DFFA: variants seen among roughly 807,000 people sequenced by gnomAD.
DFFA encodes DFF45.
DFFA carries 14 observed loss-of-function variants against 28.0 expected under a neutral mutation model. That is an observed-to-expected ratio of 0.50 (90% confidence interval 0.33 to 0.78). The LOEUF (loss-of-function observed/expected upper bound fraction) is 0.78. DFFA is among the 30% of genes least tolerant of loss of function. The pLI, the probability that DFFA is intolerant of heterozygous loss-of-function variation, is 0.02. For synonymous variants in DFFA, 158 were observed against 170.3 expected (o/e 0.93, Z 0.56); for missense variants, 395 against 407.1 (o/e 0.97, Z 0.26).
chr1:10,471,248 A>G (rs1641095249), intron 1 of DFFA, among the ~76,000 whole-genome samples: 1 of 151,976 alleles, frequency 6.6e-6, no homozygotes, highest in Admixed American at 6.6e-5. Context: ...AGTGATAGCA[A>G]TGCTTCAAAT....
At chr1:10,467,134 G>C (rs1336676129) in intron 3 of DFFA, 56 bp downstream of exon 3, 1 of 1,603,720 alleles carries the variant, frequency 6.2e-7, no homozygotes, top group African/African-American at 1.3e-5. Context: ...AGAAGGTGCT[G>C]GGGCGGGGGG....
chr1:10,466,828 C>T (rs961645269), intron 3 of DFFA, among the ~76,000 whole-genome samples: 1 of 151,684 alleles, frequency 6.6e-6, no homozygotes, highest in East Asian at 1.9e-4. Context: ...TGGTGTGCAC[C>T]TGTAATTCCA....
chr1:10,469,296 G>GTGAC lies in DFFA; in HGVS notation c.175_178dup (p.Thr60SerfsTer14). 1 of 1,614,160 alleles carries GTGAC rather than the reference G, an allele frequency of 6.2e-7. No homozygotes were observed. Among genetic ancestry groups the GTGAC allele is most frequent in the Non-Finnish European group, 8.5e-7 (1 of 1,179,990 alleles). On this transcript the variant is annotated frameshift_variant, in exon 2 of 6. Transcript: ENST00000377038. LOFTEE classifies it high-confidence loss of function. ...GGTGCCATCCTCTGCCAGGACCAGG[G>GTGAC]TGACTGGTGTCAGGGACTTATCAAT...
At chr1:10,467,399 C>A in intron 2 of DFFA, 67 bp from the exon 3 acceptor site, 1 of 1,542,852 alleles carries the variant, frequency 6.5e-7, no homozygotes, top group South Asian at 1.1e-5. Context: ...CCTCCCCCAG[C>A]ACACACAGAC....
intron 5 of DFFA, chr1:10,462,697 T>G: frequency 9.5e-7 from 1 of 1,053,090 alleles, no homozygotes; most frequent in Non-Finnish European, 1.1e-6. Flanking sequence ...GTTTGCCTTT[T>G]CCTGTGACAT....
intron 3 of DFFA, among the ~76,000 whole-genome samples, chr1:10,466,286 C>T (rs527319629): frequency 1.6e-4 from 24 of 152,122 alleles, no homozygotes; most frequent in African/African-American, 4.8e-4. Context: ...TGGGTTCAGG[C>T]GATTCTTCTG....
In DFFA at chr1:10,457,545, G is replaced by T. The variant is rs1181437937; in HGVS notation, c.*3945C>A. ...AAAAAAAACTTAGCCGGGTGTGGTG[G>T]CGGGCACCTGTAATCCCAGCTACTC... is the stretch of plus-strand genomic sequence containing the variant. On this transcript the variant is annotated 3_prime_UTR_variant, in exon 6 of 6. Coordinates refer to ENST00000377038, the MANE Select transcript of DFFA (RefSeq NM_004401.3). The T allele has an allele frequency of 6.6e-6, 1 of 152,176 alleles. No homozygotes were observed. Among genetic ancestry groups the T allele is most frequent in the Non-Finnish European group, 1.5e-5 (1 of 68,102 alleles). 9.4% of individuals were successfully genotyped at this position (152,176 alleles called of 1,614,324 possible). A position where few individuals can be genotyped will look rare whatever the true frequency, so the allele number is the denominator to read the frequency against.
intron 3 of DFFA, 111 bp from the exon 4 acceptor site, chr1:10,463,731 C>A: frequency 1.8e-6 from 2 of 1,093,830 alleles, no homozygotes; most frequent in South Asian, 3.3e-5. Flanking sequence ...ATGGTGTGAT[C>A]TCGGCTCACT....
At chr1:10,467,459 A>C in intron 2 of DFFA, 127 bp from the exon 3 acceptor site, 1 of 1,019,104 alleles carries the variant, frequency 9.8e-7, no homozygotes, top group Non-Finnish European at 1.5e-6. Context: ...TCTTATCTCA[A>C]GGATTCACAG....
chr1:10,467,700 G>A (rs1570108499), intron 2 of DFFA, among the ~76,000 whole-genome samples: 2 of 152,038 alleles, frequency 1.3e-5, no homozygotes, highest in East Asian at 1.9e-4. Context: ...TAGTAGAGAC[G>A]GGCTTTCACC....
intron 2 of DFFA, among the ~76,000 whole-genome samples, chr1:10,468,426 C>A (rs972697835): frequency 1.3e-5 from 2 of 150,860 alleles, no homozygotes; most frequent in African/African-American, 2.4e-5. Flanking sequence ...TACTAAACGT[C>A]CTATCATACA....
At chr1:10,464,606 T>A (rs184020083) in intron 3 of DFFA, among the ~76,000 whole-genome samples, 2 of 152,018 alleles carry the variant, frequency 1.3e-5, no homozygotes, top group Non-Finnish European at 2.9e-5. Context: ...TCCCAGCTAC[T>A]TGGAAGGCTG....
At chr1:10,461,918 T>TGGTG (rs1640948164) in intron 5 of DFFA, 1 of 934,310 alleles carries the variant, frequency 1.1e-6, no homozygotes, top group Non-Finnish European at 1.3e-6. Context: ...GCAGTGACAC[T>TGGTG]ATCTCGGCTC....
intron 2 of DFFA, among the ~76,000 whole-genome samples, chr1:10,468,453 CAACTCCAGCCCCA>C (rs1426393148): frequency 6.6e-6 from 1 of 151,402 alleles, no homozygotes; most frequent in Non-Finnish European, 1.5e-5. Context: ...ATCCTCTTCA[CAACTCCAGCCCCA>C]AATGTCAGCA....
In DFFA at chr1:10,461,188, G is replaced by A. The variant is rs564655542; in HGVS notation, c.*302C>T. The stretch of plus-strand genomic sequence containing the variant: ...GCCTCCCAGTGCTGGGATTACAGGC[G>A]TGAGCCACTGCGCCTGGCCAATCAC... On this transcript the variant is annotated 3_prime_UTR_variant, in exon 6 of 6. Coordinates refer to ENST00000377038, the MANE Select transcript of DFFA (RefSeq NM_004401.3). 8.6e-4 allele frequency: 254 copies of A among 294,666 alleles called. 7 individuals carry two copies. In the South Asian group the frequency reaches 0.012, roughly 14 times the overall value. 18.3% of individuals were successfully genotyped at this position (294,666 alleles called of 1,614,324 possible). A position where few individuals can be genotyped will look rare whatever the true frequency, so the allele number is the denominator to read the frequency against.
Position 10,472,432 on chromosome 1 carries a change from T to C in DFFA, c.27A>G (p.Val9=). 6.2e-7 allele frequency: 1 copy of C among 1,611,010 alleles called. No homozygotes were observed. Among genetic ancestry groups the C allele is most frequent in the Non-Finnish European group, 8.5e-7 (1 of 1,178,368 alleles). The change falls in exon 1 of 6, where the codon GTA becomes GTG. Residue 9 remains valine, a synonymous_variant. Transcript: ENST00000377038. The surrounding 1 kb of genome is among the most constrained non-coding windows in gnomAD (Gnocchi z 5.0). MEVTGDAG[V]PESGEIRTLK... is the part of the protein sequence containing the mutation. ...GAGTCCGGATCTCGCCAGATTCTGG[T>C]ACCCCGGCGTCCCCGGTCACCTCCA...
rs2124336578 is a variant in DFFA at position 10,461,001 on chromosome 1, C to T, written c.*489G>A. 6.5e-6 allele frequency: 1 copy of T among 153,460 alleles called. No homozygotes were observed. The highest frequency in any genetic ancestry group is 1.9e-4 in the East Asian group (1 of 5,220). 9.5% of individuals were successfully genotyped at this position (153,460 alleles called of 1,614,324 possible). A position where few individuals can be genotyped will look rare whatever the true frequency, so the allele number is the denominator to read the frequency against. Reference sequence around the variant, plus strand: ...TCAGCTCACTGCAAGCTCTGCCTCCCAGGTTCATGCCATTCTCCTGCCTCA... The same window carrying T: ...TCAGCTCACTGCAAGCTCTGCCTCCTAGGTTCATGCCATTCTCCTGCCTCA... On this transcript the variant is annotated 3_prime_UTR_variant, in exon 6 of 6. Transcript: ENST00000377038.
chr1:10,471,076 A>AAG (rs1570112267), intron 1 of DFFA, among the ~76,000 whole-genome samples: 1 of 151,400 alleles, frequency 6.6e-6, no homozygotes, highest in South Asian at 2.1e-4. Flanking sequence ...AAAAAAAAAA[A>AAG]AAAAAGAAAA....
chr1:10,471,808 G>T (rs1035375887), intron 1 of DFFA, among the ~76,000 whole-genome samples: 2 of 152,182 alleles, frequency 1.3e-5, no homozygotes, highest in African/African-American at 4.8e-5. Context: ...CCAAGCAGCT[G>T]GTAAAGGTAT....
Sources: gnomAD v4.1 joint callset for allele counts (sites outside exome capture counted in the v4.1 genomes callset) on GRCh38, gnomAD v4.1.1 for gene constraint, Gnocchi (gnomAD v3.1) non-coding constraint, MANE v1.5 for transcripts, NCBI Gene and HGNC (gene_info 2026-07-23, HGNC 2026-07-21) for gene names.